Variants in TNRC6C observed in about 807,000 individuals in gnomAD.
The protein encoded by TNRC6C is trinucleotide repeat-containing gene 6C protein.
Under a neutral mutation model 153.7 loss-of-function variants are expected in TNRC6C, and 20 were observed. The observed-to-expected ratio is 0.13, with a 90% CI of 0.09 to 0.19. The LOEUF is 0.19. Ranked by LOEUF, TNRC6C falls within the 10% of genes least tolerant of loss-of-function variation. TNRC6C has a pLI of 1.00. For missense variants in TNRC6C, 1,987 were observed against 2,172.0 expected (o/e 0.91, Z 1.69); for synonymous variants, 811 against 841.4 (o/e 0.96, Z 0.63).
At chr17:78,101,400 A>T (rs1301825227) in intron 17 of TNRC6C, among the ~76,000 whole-genome samples, 1 of 152,116 alleles carries the variant, frequency 6.6e-6, no homozygotes, top group South Asian at 2.1e-4. Flanking sequence ...GGAAGTTCCA[A>T]ACTTTCCCAC....
At chr17:77,958,303 G>A (rs1336201735), upstream of TNRC6C, among the ~76,000 whole-genome samples, 1 of 152,034 alleles carries the variant, frequency 6.6e-6, no homozygotes, top group Non-Finnish European at 1.5e-5. Context: ...CCCAGGGACC[G>A]GAGGGCAGGC....
intron 9 of TNRC6C, chr17:78,077,700 G>A (rs955925120): frequency 3.6e-5 from 8 of 224,934 alleles, no homozygotes; most frequent in Non-Finnish European, 6.1e-5. Context: ...CCAAAACGAC[G>A]TTACATCTGT....
chr17:77,980,875 A>G (rs924793731), intron 1 of TNRC6C, among the ~76,000 whole-genome samples: 3 of 152,210 alleles, frequency 2.0e-5, no homozygotes, highest in African/African-American at 7.2e-5. Flanking sequence ...GGGTGCTTCC[A>G]TGCCCTCTCT....
intron 1 of TNRC6C, among the ~76,000 whole-genome samples, chr17:77,986,003 G>C (rs2071161468): frequency 6.6e-6 from 1 of 152,152 alleles, no homozygotes; most frequent in African/African-American, 2.4e-5. Flanking sequence ...AACTGGACTA[G>C]ATACTTACCA....
chr17:78,104,337 A>G lies in TNRC6C; in HGVS notation c.4713-148A>G. On this transcript the variant is annotated intron_variant, in intron 19 of 19. Transcript: ENST00000301624. This position sits in a 1 kb window ranked among gnomAD's most constrained non-coding sequence, Gnocchi z 6.2. ...GAAGTCTGAACTGAGCAAAACATTCACAGTCTGGGTTTGGAAATAGCAGTG... is the reference window on the plus strand; with the variant it reads ...GAAGTCTGAACTGAGCAAAACATTCGCAGTCTGGGTTTGGAAATAGCAGTG... 1.8e-6 allele frequency: 2 copies of G among 1,111,606 alleles called. No individual in the cohort carries two copies. Among genetic ancestry groups the G allele is most frequent in the Non-Finnish European group, 2.4e-6 (2 of 826,784 alleles). 68.9% of individuals were successfully genotyped at this position (1,111,606 alleles called of 1,614,324 possible). A position where few individuals can be genotyped will look rare whatever the true frequency, so the allele number is the denominator to read the frequency against.
At chr17:78,088,246 T>C (rs930725588) in intron 13 of TNRC6C, among the ~76,000 whole-genome samples, 1 of 152,194 alleles carries the variant, frequency 6.6e-6, no homozygotes, top group East Asian at 1.9e-4. Flanking sequence ...CCTTAATTAT[T>C]GTCTCATCCA....
At chr17:77,993,461 T>C (rs1199695315) in intron 1 of TNRC6C, among the ~76,000 whole-genome samples, 1 of 152,218 alleles carries the variant, frequency 6.6e-6, no homozygotes. Flanking sequence ...GGAAGTTGTT[T>C]AAGGGACAGA....
intron 1 of TNRC6C, among the ~76,000 whole-genome samples, chr17:78,025,651 AAT>A (rs1315352939): frequency 6.6e-6 from 1 of 151,954 alleles, no homozygotes; most frequent in East Asian, 1.9e-4. Flanking sequence ...TTATCAGGAA[AAT>A]ATATATATAT....
At chr17:78,072,395 A>G (rs2073014948) in intron 6 of TNRC6C, among the ~76,000 whole-genome samples, 1 of 152,172 alleles carries the variant, frequency 6.6e-6, no homozygotes, top group Non-Finnish European at 1.5e-5. Flanking sequence ...TGAAGCGAAA[A>G]ATGCAGCTCT....
In TNRC6C at chr17:78,049,283, T is replaced by C. The variant is rs370424563; in HGVS notation, c.221T>C (p.Met74Thr). ...TCTGTCAGTGGTGGGGATGGAAAAA[T>C]GGACACTATGATTGGAGATGGGAGA... Residue 74 changes from methionine (M) to threonine (T), a missense_variant, in exon 3 of 20, where the codon ATG (methionine) becomes ACG (threonine). By Grantham distance (81) the Met-to-Thr change is moderately conservative. Coordinates refer to ENST00000301624, the Ensembl canonical transcript of TNRC6C. The surrounding 1 kb of genome is among the most constrained non-coding windows in gnomAD (Gnocchi z 4.1). The C allele has an allele frequency of 6.2e-6, 10 of 1,613,062 alleles. No individual in the cohort carries two copies. In the African/African-American group the frequency reaches 1.3e-4, roughly 22 times the overall value.
chr17:78,084,259 G>A (rs920984749), intron 11 of TNRC6C, among the ~76,000 whole-genome samples: 2 of 144,922 alleles, frequency 1.4e-5, no homozygotes, highest in African/African-American at 5.2e-5. Context: ...CAGCCTGGGC[G>A]ACAGAGCAAG....
chr17:78,027,279 A>G (rs1481394220), intron 1 of TNRC6C, among the ~76,000 whole-genome samples: 5 of 152,090 alleles, frequency 3.3e-5, no homozygotes, highest in Non-Finnish European at 7.4e-5. Flanking sequence ...GAGGAGCTGG[A>G]GGAGAATGTG....
intron 3 of TNRC6C, among the ~76,000 whole-genome samples, chr17:78,053,098 C>T (rs1043128652): frequency 1.3e-5 from 2 of 152,134 alleles, no homozygotes; most frequent in East Asian, 1.9e-4. Context: ...CGTTGCCCCC[C>T]GACCCCTGAC....
At chr17:78,084,215 C>T (rs980541290) in intron 11 of TNRC6C, among the ~76,000 whole-genome samples, 12 of 149,068 alleles carry the variant, frequency 8.1e-5, no homozygotes, top group South Asian at 2.1e-4. Context: ...ACCTGGAAGG[C>T]GGAGGTTGCA....
At chr17:78,006,610 CTTCTTCTTCT>C (rs2071518419) in intron 1 of TNRC6C, among the ~76,000 whole-genome samples, 1 of 139,532 alleles carries the variant, frequency 7.2e-6, no homozygotes, top group African/African-American at 2.8e-5. Flanking sequence ...CTCCTTCTTC[CTTCTTCTTCT>C]TTCTTCTTCT....
chr17:78,021,971 T>C (rs114546892), intron 1 of TNRC6C, among the ~76,000 whole-genome samples: 1,858 of 152,330 alleles, frequency 0.012, 32 homozygotes, highest in African/African-American at 0.042. Flanking sequence ...TGTCTGATAG[T>C]CTAATATTAC....
rs1048986050 is a variant in TNRC6C at position 78,038,509 on chromosome 17, TA to T, written c.-219+6678del. ...TAACACGGTGAAACCCCATCTCTAC[TA>T]AAAAAAAAAATACAAAAAATTAGCC... On this transcript the variant is annotated intron_variant, in intron 2 of 19. Coordinates refer to ENST00000301624, the Ensembl canonical transcript of TNRC6C. Among the ~76,000 whole-genome samples the T allele has an allele frequency of 1.4e-3, 202 of 143,558 alleles. No individual in the cohort carries two copies. The Middle Eastern group carries it at 0.018, about 13-fold the overall frequency. The allele number at this position is 143,558 out of a possible 152,430, so 94.2% of individuals were successfully genotyped here.
chr17:78,037,570 C>G (rs1362960668), intron 2 of TNRC6C, among the ~76,000 whole-genome samples: 1 of 152,134 alleles, frequency 6.6e-6, no homozygotes, highest in Admixed American at 6.5e-5. Context: ...GGTGAAAGGG[C>G]GTCGCAGATG....
chr17:77,963,705 C>G (rs541426005), intron 1 of TNRC6C, among the ~76,000 whole-genome samples: 1 of 152,174 alleles, frequency 6.6e-6, no homozygotes, highest in South Asian at 2.1e-4. Flanking sequence ...TGGCTGCAAA[C>G]CACAACAGAA....
Sources: allele counts gnomAD v4.1 joint callset (sites outside exome capture counted in the v4.1 genomes callset), GRCh38; gene constraint gnomAD v4.1.1; non-coding constraint Gnocchi (gnomAD v3.1); transcripts MANE v1.5; gene names NCBI Gene and HGNC (gene_info 2026-07-23, HGNC 2026-07-21).